ZNRF3: variants seen among roughly 807,000 people sequenced by gnomAD.
The protein encoded by ZNRF3 is zinc and ring finger 3, also known as E3 ubiquitin-protein ligase ZNRF3.
A neutral mutation model predicts 72.5 loss-of-function variants in ZNRF3; 23 were observed. The ratio of observed to expected loss-of-function variants is 0.32; its 90% CI spans 0.23 to 0.45. The LOEUF is 0.45. Ranked by LOEUF, ZNRF3 falls within the 20% of genes least tolerant of loss-of-function variation. ZNRF3 has a pLI of 1.00. For synonymous variants in ZNRF3, 610 were observed against 545.3 expected, an observed-to-expected ratio of 1.12 and a Z score of -1.65; for missense variants, 1,169 against 1,272.1, an observed-to-expected ratio of 0.92 and a Z score of 1.23.
At chr22:29,046,387 C>T (rs2037070457) in intron 5 of ZNRF3, among the ~76,000 whole-genome samples, 1 of 152,182 alleles carries the variant, frequency 6.6e-6, no homozygotes, top group Admixed American at 6.5e-5. Flanking sequence ...AGAGGAGGAA[C>T]GCTTGGCGTA....
chr22:28,888,336 GT>G (rs1419771504), intron 1 of ZNRF3, among the ~76,000 whole-genome samples: 2 of 152,158 alleles, frequency 1.3e-5, no homozygotes, highest in Admixed American at 1.3e-4. Flanking sequence ...TCCATTTTAA[GT>G]TAACTTAACA....
intron 2 of ZNRF3, among the ~76,000 whole-genome samples, chr22:29,019,918 A>G (rs946454576): frequency 6.6e-6 from 1 of 152,056 alleles, no homozygotes; most frequent in Non-Finnish European, 1.5e-5. Context: ...ATTAGCAAGT[A>G]TGCACCCCAC....
At chr22:28,953,865 C>T (rs942850326) in intron 1 of ZNRF3, among the ~76,000 whole-genome samples, 2 of 152,138 alleles carry the variant, frequency 1.3e-5, no homozygotes, top group African/African-American at 4.8e-5. Flanking sequence ...GGACCTGGGA[C>T]CTGTGGGCCT....
chr22:28,912,390 A>T (rs1163924293), intron 1 of ZNRF3, among the ~76,000 whole-genome samples: 5 of 152,140 alleles, frequency 3.3e-5, no homozygotes, highest in Non-Finnish European at 7.3e-5. Flanking sequence ...CTTCTGCTTA[A>T]GTAACTCTTT....
At chr22:28,997,618 A>G (rs1419687857) in intron 2 of ZNRF3, among the ~76,000 whole-genome samples, 2 of 152,060 alleles carry the variant, frequency 1.3e-5, no homozygotes, top group African/African-American at 4.8e-5. Context: ...GGTGCAAGTG[A>G]TCGTTCTGTT....
intron 2 of ZNRF3, among the ~76,000 whole-genome samples, chr22:29,021,061 G>C (rs2036529844): frequency 1.3e-5 from 2 of 151,920 alleles, no homozygotes; most frequent in Non-Finnish European, 2.9e-5. Context: ...CTTCCAAAGT[G>C]CTGGGATTAC....
chr22:28,898,426 C>A (rs183431654), intron 1 of ZNRF3, among the ~76,000 whole-genome samples: 1 of 152,198 alleles, frequency 6.6e-6, no homozygotes, highest in Non-Finnish European at 1.5e-5. Context: ...GAGGTGACAC[C>A]CTCTGGCTCC....
chr22:29,044,584 G>C (rs745494682), intron 4 of ZNRF3, among the ~76,000 whole-genome samples, 196 bp from the exon 5 acceptor site: 1 of 152,150 alleles, frequency 6.6e-6, no homozygotes, highest in Non-Finnish European at 1.5e-5. Flanking sequence ...CGTCCCCCTG[G>C]GCCACACCAA....
intron 6 of ZNRF3, 57 bp downstream of exon 6, chr22:29,046,940 G>A: frequency 7.0e-7 from 1 of 1,428,598 alleles, no homozygotes; most frequent in South Asian, 1.7e-5. Flanking sequence ...GTCAGCAGAG[G>A]TGCCCAAGAC....
At chr22:28,998,097 C>T (rs534451186) in intron 2 of ZNRF3, among the ~76,000 whole-genome samples, 21 of 151,264 alleles carry the variant, frequency 1.4e-4, no homozygotes, top group Non-Finnish European at 1.5e-4. Flanking sequence ...GTCAGGAGTC[C>T]GAGACAGCCT....
rs1037276276 is a variant in ZNRF3, at chr22:29,048,354, G to A, written c.913-35G>A. 1.9e-6 allele frequency: 3 copies of A among 1,590,160 alleles called. No individual in the cohort carries two copies. The highest frequency in any genetic ancestry group is 2.6e-6 in the Non-Finnish European group (3 of 1,159,646). ...TGCAGGAGGACACACCTGCGAGGCT[G>A]AAGGCAGACTTGTGTCCCCTCTCTC... On this transcript the variant is annotated intron_variant, in intron 6 of 8. Coordinates refer to ENST00000544604, the MANE Select transcript of ZNRF3 (RefSeq NM_001206998.2). This position sits in a 1 kb window ranked among gnomAD's most constrained non-coding sequence, Gnocchi z 4.9.
chr22:28,930,935 A>G (rs573963376), intron 1 of ZNRF3, among the ~76,000 whole-genome samples: 1 of 152,264 alleles, frequency 6.6e-6, no homozygotes, highest in African/African-American at 2.4e-5. Flanking sequence ...GCTTGAGTGG[A>G]GATTACTGGC....
At chr22:28,951,446 G>C (rs140775358) in intron 1 of ZNRF3, among the ~76,000 whole-genome samples, 1,761 of 152,210 alleles carry the variant, frequency 0.012, 14 homozygotes, top group Non-Finnish European at 0.018. Context: ...TGATTGGGGT[G>C]ATGATTCCAC....
chr22:29,008,851 T>G (rs899284394), intron 2 of ZNRF3, among the ~76,000 whole-genome samples: 1 of 152,264 alleles, frequency 6.6e-6, no homozygotes, highest in Non-Finnish European at 1.5e-5. Context: ...GTGGCTGTGA[T>G]AATCTAGGTA....
Position 29,030,622 on chromosome 22 carries a change from C to G in ZNRF3, c.427-11873C>G, listed in dbSNP as rs1366629989. Among the ~76,000 whole-genome samples the G allele has an allele frequency of 6.6e-6, 1 of 151,738 alleles. No individual in the cohort carries two copies. The highest frequency in any genetic ancestry group is 1.5e-5 in the Non-Finnish European group (1 of 67,932). On this transcript the variant is annotated intron_variant, in intron 2 of 8. Transcript: ENST00000544604. The surrounding 1 kb of genome is among the most constrained non-coding windows in gnomAD (Gnocchi z 4.2). ...CTTCTCCCGGTGGGGAGGGGCGCGG[C>G]CGGTGGCGAGGAGGGCACTTTCCCG...
rs768562132 is a variant in ZNRF3 at position 29,050,632 on chromosome 22, C to T, written c.2451C>T (p.Gly817=). ...QYTLTEEPPP[G]CYPGARDLSQ... ...CGCTCACCGAGGAACCACCGCCCGG[C>T]TGCTACCCCGGGGCCCGGGACCTGA... The change falls in exon 8 of 9, where the codon GGC becomes GGT. Residue 817 remains glycine (G), a synonymous_variant. Coordinates refer to ENST00000544604, the MANE Select transcript of ZNRF3 (RefSeq NM_001206998.2). 4 of 1,611,420 alleles carry T rather than the reference C, an allele frequency of 2.5e-6. No homozygotes were observed. The highest frequency in any genetic ancestry group is 1.3e-5 in the African/African-American group (1 of 74,896).
At chr22:29,026,001 C>T (rs1233599665) in intron 2 of ZNRF3, 2 of 152,218 alleles carry the variant, frequency 1.3e-5, no homozygotes, top group East Asian at 3.9e-4. Flanking sequence ...CATTAGCTGT[C>T]GGGCTGAGGA....
At chr22:28,978,840 C>G (rs893800767) in intron 1 of ZNRF3, among the ~76,000 whole-genome samples, 1 of 152,146 alleles carries the variant, frequency 6.6e-6, no homozygotes, top group Non-Finnish European at 1.5e-5. Flanking sequence ...TTGACCTCCT[C>G]CTGTAGAAAA....
chr22:28,934,879 T>G (rs2034792311), intron 1 of ZNRF3, among the ~76,000 whole-genome samples: 1 of 151,870 alleles, frequency 6.6e-6, no homozygotes, highest in African/African-American at 2.4e-5. Flanking sequence ...ATCCTGTTCT[T>G]CCTGTAGATA....
Sources: allele counts gnomAD v4.1 joint callset (sites outside exome capture counted in the v4.1 genomes callset), GRCh38; gene constraint gnomAD v4.1.1; non-coding constraint Gnocchi (gnomAD v3.1); transcripts MANE v1.5; gene names NCBI Gene and HGNC (gene_info 2026-07-23, HGNC 2026-07-21).